The following ADAMTSL3 variants were observed in gnomAD, a reference collection of about 807,000 sequenced individuals.
The protein encoded by ADAMTSL3 is ADAMTS like 3, also known as ADAMTS-like protein 3.
ADAMTSL3 carries 128 observed loss-of-function variants against 201.7 expected under a neutral mutation model. The ratio of observed to expected loss-of-function variants is 0.63; its 90% CI spans 0.55 to 0.73. The LOEUF is 0.73. Ranked by LOEUF, ADAMTSL3 falls within the 30% of genes least tolerant of loss-of-function variation. The pLI, the probability that ADAMTSL3 is intolerant of heterozygous loss-of-function variation, is 0.00. For missense variants in ADAMTSL3, 1,990 were observed against 2,119.6 expected (o/e 0.94, Z 1.20); for synonymous variants, 738 against 748.4 (o/e 0.99, Z 0.23).
At chr15:83,974,191 A>G (rs1432835650) in intron 20 of ADAMTSL3, among the ~76,000 whole-genome samples, 1 of 152,206 alleles carries the variant, frequency 6.6e-6, no homozygotes, top group Non-Finnish European at 1.5e-5. Flanking sequence ...TCTCAGTCGC[A>G]CTTAATGTCT....
chr15:83,942,722 C>T lies in ADAMTSL3; in HGVS notation c.2244C>T (p.Pro748=), dbSNP rs1054004702. Residue 748 remains proline, a synonymous_variant, in exon 18 of 30, where the codon CCC becomes CCT. Coordinates refer to ENST00000286744, the MANE Select transcript of ADAMTSL3 (RefSeq NM_207517.3). ...CTGAGGAGTGCCGAGATGAAAAGCCCCATGCTTTACAAGCATGCAATCAGT... is the reference window on the plus strand; with the variant it reads ...CTGAGGAGTGCCGAGATGAAAAGCCTCATGCTTTACAAGCATGCAATCAGT... ...APPEECRDEK[P]HALQACNQFD... 3.7e-6 allele frequency: 6 copies of T among 1,614,016 alleles called. No homozygotes were observed. The highest frequency in any genetic ancestry group is 5.1e-6 in the Non-Finnish European group (6 of 1,179,974).
chr15:83,833,447 C>T (rs7164782), intron 6 of ADAMTSL3, among the ~76,000 whole-genome samples: 119,689 of 152,000 alleles, frequency 0.79, 47,942 homozygotes, highest in East Asian at 1. Context: ...CATGACCTAA[C>T]CACCCCCTAA....
intron 8 of ADAMTSL3, among the ~76,000 whole-genome samples, 198 bp downstream of exon 8, chr15:83,859,038 A>T (rs934334899): frequency 2.0e-5 from 3 of 152,232 alleles, no homozygotes; most frequent in African/African-American, 7.2e-5. Flanking sequence ...GCAGCCAGAG[A>T]CAGTGAGGCA....
intron 2 of ADAMTSL3, among the ~76,000 whole-genome samples, chr15:83,687,609 T>A (rs919065638): frequency 2.0e-5 from 3 of 152,126 alleles, no homozygotes; most frequent in African/African-American, 7.2e-5. Flanking sequence ...AATGTAGAGT[T>A]TAATCTTTAC....
At chr15:83,782,780 T>C (rs2063193305) in intron 4 of ADAMTSL3, among the ~76,000 whole-genome samples, 1 of 151,914 alleles carries the variant, frequency 6.6e-6, no homozygotes, top group Non-Finnish European at 1.5e-5. Context: ...AGTACTAGAC[T>C]TAATACTTGG....
intron 3 of ADAMTSL3, among the ~76,000 whole-genome samples, chr15:83,754,906 A>T (rs117228892): frequency 4.0e-4 from 61 of 152,336 alleles, no homozygotes; most frequent in Admixed American, 2.0e-3. Context: ...TTCATATTTA[A>T]ATTTTAGTCA....
intron 19 of ADAMTSL3, among the ~76,000 whole-genome samples, chr15:83,953,262 A>G (rs1334366547): frequency 6.6e-6 from 1 of 151,662 alleles, no homozygotes; most frequent in East Asian, 1.9e-4. Context: ...TTCTGGTGGT[A>G]TGACTTAATT....
intron 15 of ADAMTSL3, among the ~76,000 whole-genome samples, chr15:83,907,920 G>T (rs1427383488): frequency 6.6e-6 from 1 of 152,146 alleles, no homozygotes; most frequent in East Asian, 1.9e-4. Context: ...GGATCAAACG[G>T]CAGTTTTATT....
intron 23 of ADAMTSL3, among the ~76,000 whole-genome samples, chr15:84,011,909 G>T (rs1193573205): frequency 6.6e-6 from 1 of 152,174 alleles, no homozygotes; most frequent in African/African-American, 2.4e-5. Flanking sequence ...ATCTACCTAT[G>T]TTGTGGTTAA....
At chr15:83,802,271 G>A (rs1260683986) in intron 4 of ADAMTSL3, among the ~76,000 whole-genome samples, 1 of 152,072 alleles carries the variant, frequency 6.6e-6, no homozygotes, top group African/African-American at 2.4e-5. Context: ...TGTATTGTAA[G>A]TATGGACAAA....
intron 2 of ADAMTSL3, among the ~76,000 whole-genome samples, chr15:83,692,224 A>AT (rs1289741486): frequency 6.6e-6 from 1 of 152,052 alleles, no homozygotes; most frequent in Admixed American, 6.5e-5. Context: ...TAGCATCTTA[A>AT]TATTATAAAA....
At chr15:83,677,170 G>A (rs1166434187) in intron 2 of ADAMTSL3, among the ~76,000 whole-genome samples, 3 of 152,104 alleles carry the variant, frequency 2.0e-5, no homozygotes, top group Non-Finnish European at 4.4e-5. Flanking sequence ...TAAATTCACT[G>A]AAGTTTGTTT....
chr15:83,846,599 G>C (rs12905564), intron 7 of ADAMTSL3, among the ~76,000 whole-genome samples: 21,119 of 152,264 alleles, frequency 0.14, 1,913 homozygotes, highest in Middle Eastern at 0.33. Context: ...TCCTAACCCA[G>C]GGTGCACATC....
chr15:84,018,730 A>G (rs1195467424), intron 25 of ADAMTSL3, among the ~76,000 whole-genome samples: 1 of 152,172 alleles, frequency 6.6e-6, no homozygotes, highest in Non-Finnish European at 1.5e-5. Flanking sequence ...GCTGAGGACC[A>G]AATCATTCAG....
rs1370556869 is a variant in ADAMTSL3, at chr15:83,891,327, A to G, written c.1212-2A>G. ...ATATTCTCACAATGATTTCATTTGT[A>G]GTGATGGATTTAAAGAGATAATGCC... On this transcript the variant is annotated splice_acceptor_variant, in intron 11 of 29. Transcript: ENST00000286744. LOFTEE classifies it high-confidence loss of function. 1 of 1,602,174 alleles carries G rather than the reference A, an allele frequency of 6.2e-7. No individual in the cohort carries two copies. Among genetic ancestry groups the G allele is most frequent in the South Asian group, 1.1e-5 (1 of 90,772 alleles).
intron 23 of ADAMTSL3, among the ~76,000 whole-genome samples, chr15:84,009,668 T>C (rs2067970917): frequency 6.6e-6 from 1 of 152,230 alleles, no homozygotes; most frequent in Non-Finnish European, 1.5e-5. Flanking sequence ...TGTGCTTACA[T>C]TCATAATTGA....
At chr15:83,713,084 T>C (rs1456636712) in intron 3 of ADAMTSL3, among the ~76,000 whole-genome samples, 1 of 152,136 alleles carries the variant, frequency 6.6e-6, no homozygotes, top group Non-Finnish European at 1.5e-5. Context: ...CTTCTATCAG[T>C]GTCATCCCTC....
At chr15:83,991,388 A>G (rs1373486163) in intron 23 of ADAMTSL3, among the ~76,000 whole-genome samples, 174 bp downstream of exon 23, 1 of 152,234 alleles carries the variant, frequency 6.6e-6, no homozygotes, top group East Asian at 1.9e-4. Context: ...GGGTGAGGTC[A>G]TACTGGCTCA....
chr15:84,036,954 T>G lies in ADAMTSL3; in HGVS notation c.4936T>G (p.Ser1646Ala). The G allele has an allele frequency of 6.2e-7, 1 of 1,614,078 alleles. No individual in the cohort carries two copies. Among genetic ancestry groups the G allele is most frequent in the Non-Finnish European group, 8.5e-7 (1 of 1,180,016 alleles). Reference protein sequence around the residue: ...RHCVQKKKPISWRHCLGPSCD... With the variant: ...RHCVQKKKPIAWRHCLGPSCD... ...CTGTGTACAGAAAAAGAAACCAATT[T>G]CCTGGCGGCACTGTCTTGGGCCCTC... The change falls in exon 29 of 30, where the codon TCC becomes GCC. Residue 1646 changes from serine to alanine, a missense_variant. Physicochemically the swap from Ser to Ala is moderately conservative, Grantham distance 99. Coordinates refer to ENST00000286744, the MANE Select transcript of ADAMTSL3 (RefSeq NM_207517.3).
Sources: allele counts gnomAD v4.1 joint callset (sites outside exome capture counted in the v4.1 genomes callset), GRCh38; gene constraint gnomAD v4.1.1; transcripts MANE v1.5; gene names NCBI Gene and HGNC (gene_info 2026-07-23, HGNC 2026-07-21).